Variants in DOK7 observed in about 807,000 individuals in gnomAD.
DOK7 encodes docking protein 7.
In DOK7, 32 loss-of-function variants were observed where a neutral mutation model predicts 30.7. That is an observed-to-expected ratio of 1.04 (90% confidence interval 0.79 to 1.40). The LOEUF is 1.40. DOK7 is among the 40% of genes most tolerant of loss of function. The probability of loss-of-function intolerance (pLI) is 0.00; values close to 1 mark genes in which losing one functional copy is unlikely to be tolerated. For missense variants in DOK7, 1,007 were observed against 699.2 expected (o/e 1.44, Z -4.97); for synonymous variants, 447 against 324.1 (o/e 1.38, Z -4.07).
At chr4:3,468,206 G>A (rs1726434552) in intron 2 of DOK7, among the ~76,000 whole-genome samples, 1 of 152,052 alleles carries the variant, frequency 6.6e-6, no homozygotes, top group Non-Finnish European at 1.5e-5. Flanking sequence ...GCACAAGTGT[G>A]TGTGTGTGCA....
At chr4:3,487,181 C>G (rs1727863334) in intron 5 of DOK7, among the ~76,000 whole-genome samples, 1 of 152,010 alleles carries the variant, frequency 6.6e-6, no homozygotes, top group Non-Finnish European at 1.5e-5. Context: ...AGCTGTGCCC[C>G]CAAGCTGTGC....
intron 5 of DOK7, among the ~76,000 whole-genome samples, chr4:3,488,120 A>C (rs1490833796): frequency 6.6e-6 from 1 of 152,222 alleles, no homozygotes; most frequent in East Asian, 1.9e-4. Context: ...GACAGGAGAG[A>C]GGCTTGTGCC....
In DOK7 at chr4:3,493,997, C is replaced by A. The variant is rs534317817; in HGVS notation, c.*496C>A. ...ACCTGGGCTCCACCAGCCCAGCCCC[C>A]CTGGGCTCCGTGTGCGCTGGGCCTC... On this transcript the variant is annotated 3_prime_UTR_variant, in exon 7 of 7. Transcript: ENST00000340083. 438 of 972,764 alleles carry A rather than the reference C, an allele frequency of 4.5e-4. 1 individual carries two copies. In the South Asian group the frequency reaches 4.6e-3, roughly 10 times the overall value. 60.3% of individuals were successfully genotyped at this position (972,764 alleles called of 1,614,324 possible).
In DOK7 at chr4:3,493,388, G is replaced by C. The variant is rs774716969; in HGVS notation, c.1402G>C (p.Gly468Arg). 1 of 1,595,036 alleles carries C rather than the reference G, an allele frequency of 6.3e-7. No individual in the cohort carries two copies. The highest frequency in any genetic ancestry group is 8.5e-7 in the Non-Finnish European group (1 of 1,171,282). Residue 468 changes from glycine to arginine, a missense_variant, in exon 7 of 7, where the codon GGC (glycine) becomes CGC (arginine). Coordinates refer to ENST00000340083, the MANE Select transcript of DOK7 (RefSeq NM_173660.5). ...APQGSEATLP[G>R]PAPGEPWEAG... ...CCAGGGCAGCGAGGCCACACTGCCTGGCCCTGCCCCTGGCGAGCCCTGGGA... is the reference window on the plus strand; with the variant it reads ...CCAGGGCAGCGAGGCCACACTGCCTCGCCCTGCCCCTGGCGAGCCCTGGGA...
At chr4:3,464,606 G>C (rs10016794) in intron 2 of DOK7, among the ~76,000 whole-genome samples, 12,926 of 152,272 alleles carry the variant, frequency 0.085, 1,161 homozygotes, top group African/African-American at 0.23. Flanking sequence ...ACAGGCTTTA[G>C]TCAGCTGTGG....
intron 5 of DOK7, among the ~76,000 whole-genome samples, chr4:3,489,091 G>A (rs12507200): frequency 1.4e-4 from 22 of 152,180 alleles, no homozygotes; most frequent in Middle Eastern, 3.4e-3. Context: ...TAGAGAAGGC[G>A]AGGCTGGTGC....
At position 3,493,669 on chromosome 4, in the gene DOK7, G is replaced by C. The variant is rs1270843369; in HGVS notation, c.*168G>C. 2 of 1,453,418 alleles carry C rather than the reference G, an allele frequency of 1.4e-6. No individual in the cohort carries two copies. The highest frequency in any genetic ancestry group is 1.5e-5 in the South Asian group (1 of 68,032). The allele number at this position is 1,453,418 out of a possible 1,614,324, so 90.0% of individuals were successfully genotyped here. A position where few individuals can be genotyped will look rare whatever the true frequency, so the allele number is the denominator to read the frequency against. On this transcript the variant is annotated 3_prime_UTR_variant, in exon 7 of 7. Transcript: ENST00000340083. ...GCGCGCCCTGTGGCTGCCACCGGAGGAAGGGGCTGACTTGGGGAGGTGAGT... is the reference window on the plus strand; with the variant it reads ...GCGCGCCCTGTGGCTGCCACCGGAGCAAGGGGCTGACTTGGGGAGGTGAGT...
chr4:3,489,948 T>TCC, intron 6 of DOK7, 152 bp downstream of exon 6: 1 of 1,239,282 alleles, frequency 8.1e-7, no homozygotes, highest in South Asian at 1.6e-5. Context: ...TTCCCCCAAC[T>TCC]CCCCGCCCCG....
chr4:3,491,066 A>C (rs1385225661), intron 6 of DOK7, among the ~76,000 whole-genome samples: 2 of 75,728 alleles, frequency 2.6e-5, no homozygotes, highest in Admixed American at 2.1e-4. Context: ...CCCCCGGCTC[A>C]TTCCTTCCTT....
chr4:3,470,749 A>T (rs944066977), intron 2 of DOK7, among the ~76,000 whole-genome samples: 1 of 152,250 alleles, frequency 6.6e-6, no homozygotes, highest in Non-Finnish European at 1.5e-5. Flanking sequence ...TTTCCAGCTA[A>T]GTATGGTAAA....
chr4:3,480,708 G>T (rs1016665056), intron 4 of DOK7, among the ~76,000 whole-genome samples: 2 of 152,242 alleles, frequency 1.3e-5, no homozygotes, highest in Non-Finnish European at 2.9e-5. Flanking sequence ...GGCCACCTTT[G>T]GCCACTGCAG....
At chr4:3,465,901 C>G (rs1329512526) in intron 2 of DOK7, among the ~76,000 whole-genome samples, 1 of 152,230 alleles carries the variant, frequency 6.6e-6, no homozygotes, top group African/African-American at 2.4e-5. Flanking sequence ...CCAGCGGCGC[C>G]TGGCCCAGCC....
At chr4:3,470,944 G>T (rs73793903) in intron 2 of DOK7, among the ~76,000 whole-genome samples, 1 of 152,200 alleles carries the variant, frequency 6.6e-6, no homozygotes, top group African/African-American at 2.4e-5. Context: ...TGTGGCCAAG[G>T]TGCCACCACC....
At chr4:3,488,680 G>A (rs949673907) in intron 5 of DOK7, among the ~76,000 whole-genome samples, 1 of 152,168 alleles carries the variant, frequency 6.6e-6, no homozygotes. Context: ...GACCTGTTTC[G>A]GCTCAGTCCT....
In DOK7 at chr4:3,486,375, C is replaced by T. The variant is rs114331443; in HGVS notation, c.652+717C>T. Among the ~76,000 whole-genome samples, 800 of 152,382 alleles carry T rather than the reference C, an allele frequency of 5.2e-3. 8 individuals carry two copies. Among genetic ancestry groups the T allele is most frequent in the African/African-American group, 0.019 (774 of 41,602 alleles). ...TCCACGAGGGCAGCGCTTGACCCAA[C>T]GTCCAAGTGAGGCCAAGGCCTAGGC... On this transcript the variant is annotated intron_variant, in intron 5 of 6. Coordinates refer to ENST00000340083, the MANE Select transcript of DOK7 (RefSeq NM_173660.5).
chr4:3,497,478 C>T (rs1448040415), downstream of DOK7, among the ~76,000 whole-genome samples: 1 of 152,088 alleles, frequency 6.6e-6, no homozygotes, highest in Non-Finnish European at 1.5e-5. Flanking sequence ...CTGGCAGTCA[C>T]TGGGGACAGA....
intron 2 of DOK7, among the ~76,000 whole-genome samples, chr4:3,467,940 G>C (rs1364547406): frequency 6.6e-6 from 1 of 152,190 alleles, no homozygotes; most frequent in Non-Finnish European, 1.5e-5. Flanking sequence ...CCATTCTTGA[G>C]GCTCCACCCT....
At chr4:3,490,819 T>G (rs1728317292) in intron 6 of DOK7, among the ~76,000 whole-genome samples, 1 of 58,800 alleles carries the variant, frequency 1.7e-5, no homozygotes, top group African/African-American at 7.6e-5. Flanking sequence ...GCTCATTCAT[T>G]CCTGCCTTCC....
chr4:3,478,402 C>T (rs1033109420), intron 4 of DOK7, among the ~76,000 whole-genome samples: 10 of 151,478 alleles, frequency 6.6e-5, no homozygotes, highest in Non-Finnish European at 1.3e-4. Flanking sequence ...CTGGGCTGCT[C>T]AAAAGCTGGG....
Sources: allele counts gnomAD v4.1 joint callset (sites outside exome capture counted in the v4.1 genomes callset), GRCh38; gene constraint gnomAD v4.1.1; transcripts MANE v1.5; gene names NCBI Gene and HGNC (gene_info 2026-07-23, HGNC 2026-07-21).